SHISA9: variants seen among roughly 807,000 people sequenced by gnomAD.
SHISA9 encodes shisa family member 9.
SHISA9 carries 13 observed loss-of-function variants against 38.0 expected under a neutral mutation model. That is an observed-to-expected ratio of 0.34 (90% CI 0.22 to 0.54). SHISA9 has a LOEUF of 0.54. Among genes scored for constraint, SHISA9 ranks in the 20% least tolerant of loss-of-function variants. The probability of loss-of-function intolerance (pLI) is 0.91; values close to 1 mark genes in which losing one functional copy is unlikely to be tolerated. For synonymous variants in SHISA9, 275 were observed against 242.0 expected (o/e 1.14, Z -1.27); for missense variants, 538 against 575.8 (o/e 0.93, Z 0.67).
chr16:13,264,175 T>G, the SHISA9 span, among the ~76,000 whole-genome samples: 78 of 150,804 alleles, frequency 5.2e-4, no homozygotes, highest in African/African-American at 1.9e-3. Context: ...TAAATCTTTT[T>G]TTTTTTTTTT....
chr16:13,380,342 A>AG, the SHISA9 span, among the ~76,000 whole-genome samples: 2 of 152,202 alleles, frequency 1.3e-5, no homozygotes, highest in Non-Finnish European at 2.9e-5. Context: ...TTTTAAAAGA[A>AG]GGGGGGAAAG....
At chr16:13,288,022 C>G in the SHISA9 span, among the ~76,000 whole-genome samples, 1 of 152,098 alleles carries the variant, frequency 6.6e-6, no homozygotes, top group African/African-American at 2.4e-5. Context: ...TTTTGGACTT[C>G]TGAGGGAACT....
chr16:13,211,972 C>T (rs899040840), intron 3 of SHISA9, among the ~76,000 whole-genome samples: 3 of 152,166 alleles, frequency 2.0e-5, no homozygotes, highest in Non-Finnish European at 2.9e-5. Context: ...GTTTTAACTT[C>T]CTCACTCTTC....
chr16:13,495,673 A>G, the SHISA9 span, among the ~76,000 whole-genome samples: 1 of 151,988 alleles, frequency 6.6e-6, no homozygotes, highest in Non-Finnish European at 1.5e-5. Flanking sequence ...TAAAAAGTAA[A>G]CATTTAAAGG....
In SHISA9 at chr16:13,106,683, G is replaced by A. The variant is rs114741403; in HGVS notation, c.692-96711G>A. Among the ~76,000 whole-genome samples, 463 of 152,298 alleles carry A rather than the reference G, an allele frequency of 3.0e-3. 1 individual carries two copies. The highest frequency in any genetic ancestry group is 0.011 in the African/African-American group (444 of 41,566). On this transcript the variant is annotated intron_variant, in intron 2 of 4. Coordinates refer to ENST00000558583, the MANE Select transcript of SHISA9 (RefSeq NM_001145204.3). ...CCTGATCACAGGGATTGGTTCAAAG[G>A]TGGACATGTGACCTGGATGAGCCAA...
At position 13,239,384 on chromosome 16, in the gene SHISA9, T is replaced by C. The variant is rs1230335783; in HGVS notation, c.*3975T>C. On this transcript the variant is annotated 3_prime_UTR_variant, in exon 5 of 5. Transcript: ENST00000558583. The stretch of plus-strand genomic sequence containing the variant: ...GGATGGCTGGGTCAAATGGTATTTC[T>C]AGTTCTAGATCCCTGAGGAATCGCC... 2.6e-5 allele frequency: 4 copies of C among 151,322 alleles called. No homozygotes were observed. Among genetic ancestry groups the C allele is most frequent in the Non-Finnish European group, 5.9e-5 (4 of 67,850 alleles). 9.4% of individuals were successfully genotyped at this position (151,322 alleles called of 1,614,324 possible). A position where few individuals can be genotyped will look rare whatever the true frequency, so the allele number is the denominator to read the frequency against.
At chr16:13,339,380 A>G in the SHISA9 span, among the ~76,000 whole-genome samples, 1 of 152,114 alleles carries the variant, frequency 6.6e-6, no homozygotes, top group African/African-American at 2.4e-5. Flanking sequence ...CCTAATAGCA[A>G]AGGCTCTGAG....
the SHISA9 span, among the ~76,000 whole-genome samples, chr16:13,399,351 C>G: frequency 6.6e-6 from 1 of 152,106 alleles, no homozygotes; most frequent in Admixed American, 6.6e-5. Context: ...ACCATATATT[C>G]AAGCTAAATA....
intron 2 of SHISA9, among the ~76,000 whole-genome samples, chr16:13,035,676 A>G (rs550078581): frequency 1.1e-4 from 17 of 152,176 alleles, no homozygotes; most frequent in African/African-American, 4.1e-4. Flanking sequence ...GACTATGGGT[A>G]CGCACCACCA....
chr16:12,984,044 G>A (rs11649299), intron 2 of SHISA9, among the ~76,000 whole-genome samples: 51,803 of 151,778 alleles, frequency 0.34, 9,123 homozygotes, highest in African/African-American at 0.4. Flanking sequence ...CTTAACATTG[G>A]TTTTGGAGTT....
chr16:13,524,793 C>T, the SHISA9 span, among the ~76,000 whole-genome samples: 1 of 151,622 alleles, frequency 6.6e-6, no homozygotes, highest in Non-Finnish European at 1.5e-5. Context: ...TTTCGAACTC[C>T]TAGCCTCAAG....
rs1386588477 is a variant in SHISA9 at position 13,239,333 on chromosome 16, G to C, written c.*3924G>C. On this transcript the variant is annotated 3_prime_UTR_variant, in exon 5 of 5. Coordinates refer to ENST00000558583, the MANE Select transcript of SHISA9 (RefSeq NM_001145204.3). ...TGTCTTTATAGCAGCATGATTTATA[G>C]TCCTTTGGGTATATACCCAGTAATG... 6.6e-6 allele frequency: 1 copy of C among 150,788 alleles called. No homozygotes were observed. Among genetic ancestry groups the C allele is most frequent in the Non-Finnish European group, 1.5e-5 (1 of 67,700 alleles). 9.3% of individuals were successfully genotyped at this position (150,788 alleles called of 1,614,324 possible).
chr16:13,045,102 T>C (rs922255465), intron 2 of SHISA9, among the ~76,000 whole-genome samples: 1 of 152,342 alleles, frequency 6.6e-6, no homozygotes, highest in African/African-American at 2.4e-5. Flanking sequence ...AGTGTAGTTA[T>C]AGAGATTCAA....
At chr16:13,125,003 A>G (rs898834997) in intron 2 of SHISA9, among the ~76,000 whole-genome samples, 1 of 152,204 alleles carries the variant, frequency 6.6e-6, no homozygotes, top group Non-Finnish European at 1.5e-5. Context: ...AAGAACTCAG[A>G]CTATGAAATG....
the SHISA9 span, among the ~76,000 whole-genome samples, chr16:13,316,785 G>A: frequency 1.3e-5 from 2 of 152,148 alleles, no homozygotes; most frequent in East Asian, 1.9e-4. Context: ...CCACAAAGCA[G>A]GCATAAATAT....
At chr16:13,503,079 C>T in the SHISA9 span, among the ~76,000 whole-genome samples, 4 of 151,868 alleles carry the variant, frequency 2.6e-5, no homozygotes, top group East Asian at 3.9e-4. Flanking sequence ...GATATTTAAG[C>T]CAGAAGGATG....
the SHISA9 span, among the ~76,000 whole-genome samples, chr16:13,492,653 C>T: frequency 2.6e-5 from 4 of 152,226 alleles, no homozygotes; most frequent in African/African-American, 9.7e-5. Flanking sequence ...TAGCACCTGA[C>T]TCAGAGTGGG....
chr16:13,213,800 G>T (rs778791105), intron 4 of SHISA9, among the ~76,000 whole-genome samples: 15 of 152,134 alleles, frequency 9.9e-5, no homozygotes, highest in African/African-American at 1.4e-4. Context: ...TAGGAAGTTG[G>T]TCGACTTGAG....
chr16:13,529,811 C>A, the SHISA9 span, among the ~76,000 whole-genome samples: 2 of 152,218 alleles, frequency 1.3e-5, no homozygotes, highest in African/African-American at 4.8e-5. Context: ...TCAGGCAGTG[C>A]CGTTCCCTGG....
Sources: gnomAD v4.1 joint callset for allele counts (sites outside exome capture counted in the v4.1 genomes callset) on GRCh38, gnomAD v4.1.1 for gene constraint, MANE v1.5 for transcripts, NCBI Gene and HGNC (gene_info 2026-07-23, HGNC 2026-07-21) for gene names.